PRELID2: variants seen among roughly 807,000 people sequenced by gnomAD.
PRELID2 encodes PRELI domain-containing protein 2.
PRELID2 carries 25 observed loss-of-function variants against 28.4 expected under a neutral mutation model. That is an observed-to-expected ratio of 0.88 (90% CI 0.64 to 1.23). The LOEUF (loss-of-function observed/expected upper bound fraction) is 1.23, where lower values mean the gene tolerates loss of function less well. PRELID2 is among the 50% of genes most tolerant of loss of function. The pLI is 0.00. For synonymous variants in PRELID2, 76 were observed against 71.6 expected (o/e 1.06, Z -0.31); for missense variants, 201 against 214.4 (o/e 0.94, Z 0.39).
intron 5 of PRELID2, among the ~76,000 whole-genome samples, chr5:145,767,274 G>T (rs909985613): frequency 1.3e-5 from 2 of 151,890 alleles, no homozygotes; most frequent in Non-Finnish European, 2.9e-5. Context: ...CCTCAGAGAG[G>T]AATTCAGCCA....
chr5:145,373,096 T>C, the PRELID2 span, among the ~76,000 whole-genome samples: 134 of 64,848 alleles, frequency 2.1e-3, 8 homozygotes, highest in Admixed American at 0.021. Context: ...ATAATATATA[T>C]GATATATATT....
At chr5:145,351,038 A>G in the PRELID2 span, among the ~76,000 whole-genome samples, 1 of 152,228 alleles carries the variant, frequency 6.6e-6, no homozygotes, top group Non-Finnish European at 1.5e-5. Context: ...AACTCTCACA[A>G]CACAGAGAGT....
chr5:145,645,338 C>CT (rs35732947), intron 1 of PRELID2, among the ~76,000 whole-genome samples: 898 of 47,820 alleles, frequency 0.019, 97 homozygotes, highest in African/African-American at 0.053. Context: ...GCAACTCCTG[C>CT]TTTTTTTTTT....
At chr5:145,315,462 T>C in the PRELID2 span, among the ~76,000 whole-genome samples, 1 of 152,138 alleles carries the variant, frequency 6.6e-6, no homozygotes, top group Non-Finnish European at 1.5e-5. Flanking sequence ...TGAAGAATTA[T>C]GAACATTTTA....
the PRELID2 span, among the ~76,000 whole-genome samples, chr5:145,316,962 C>A: frequency 2.6e-5 from 4 of 152,220 alleles, no homozygotes; most frequent in Non-Finnish European, 5.9e-5. Context: ...TCTAAAAGAT[C>A]ATTTAATTCA....
chr5:145,745,569 G>C (rs1048311889), intron 1 of PRELID2, among the ~76,000 whole-genome samples: 2 of 152,152 alleles, frequency 1.3e-5, no homozygotes, highest in African/African-American at 4.8e-5. Flanking sequence ...CATTCCTAAA[G>C]AAAAGAATTG....
intron 1 of PRELID2, among the ~76,000 whole-genome samples, chr5:145,643,484 C>T (rs1204306740): frequency 6.6e-6 from 1 of 152,170 alleles, no homozygotes; most frequent in Non-Finnish European, 1.5e-5. Flanking sequence ...TTCCTCTTTT[C>T]CTATTGGAAT....
the PRELID2 span, among the ~76,000 whole-genome samples, chr5:145,323,825 T>A: frequency 6.6e-6 from 1 of 152,208 alleles, no homozygotes; most frequent in Non-Finnish European, 1.5e-5. Context: ...TAGTATTCCA[T>A]GGTAGATATG....
At chr5:145,728,078 T>G (rs1420725922) in intron 1 of PRELID2, among the ~76,000 whole-genome samples, 1 of 152,208 alleles carries the variant, frequency 6.6e-6, no homozygotes, top group East Asian at 1.9e-4. Context: ...TGTCTGTCCC[T>G]GCAAATCTCT....
chr5:145,311,608 A>T, the PRELID2 span, among the ~76,000 whole-genome samples: 2 of 152,168 alleles, frequency 1.3e-5, no homozygotes, highest in Admixed American at 1.3e-4. Flanking sequence ...AACACATAGT[A>T]TATTTTCTTC....
chr5:145,606,822 G>A (rs1753511196), intron 1 of PRELID2, among the ~76,000 whole-genome samples: 1 of 152,120 alleles, frequency 6.6e-6, no homozygotes, highest in South Asian at 2.1e-4. Context: ...TTTTGGAATA[G>A]TTTTAGTAGG....
intron 1 of PRELID2, among the ~76,000 whole-genome samples, chr5:145,585,309 G>C (rs1753143504): frequency 6.6e-6 from 1 of 152,078 alleles, no homozygotes; most frequent in Non-Finnish European, 1.5e-5. Context: ...AGAAGGGAGA[G>C]CTTCAGGAAG....
chr5:145,384,298 G>A, the PRELID2 span, among the ~76,000 whole-genome samples: 39 of 149,810 alleles, frequency 2.6e-4, no homozygotes, highest in South Asian at 1.9e-3. Context: ...CATAAAAATC[G>A]TTTCACAATA....
At chr5:145,510,912 T>G (rs1752455223) in intron 1 of PRELID2, among the ~76,000 whole-genome samples, 1 of 152,224 alleles carries the variant, frequency 6.6e-6, no homozygotes, top group South Asian at 2.1e-4. Context: ...TGCCCAGTTT[T>G]GGAATTCAGC....
chr5:145,825,344 G>C (rs1224543649), intron 1 of PRELID2, among the ~76,000 whole-genome samples: 1 of 149,364 alleles, frequency 6.7e-6, no homozygotes, highest in Non-Finnish European at 1.5e-5. Flanking sequence ...TAGATACTCT[G>C]CTCCTCAGGA....
intron 1 of PRELID2, among the ~76,000 whole-genome samples, chr5:145,495,054 G>A (rs570829147): frequency 6.6e-6 from 1 of 152,150 alleles, no homozygotes; most frequent in African/African-American, 2.4e-5. Context: ...CACAGAAGTG[G>A]TCTATGCTCA....
At chr5:145,633,265 C>T (rs760359778) in intron 1 of PRELID2, among the ~76,000 whole-genome samples, 6 of 152,238 alleles carry the variant, frequency 3.9e-5, no homozygotes, top group Admixed American at 6.5e-5. Context: ...CCACTAAATC[C>T]ATAATAATTT....
chr5:145,292,680 T>C, the PRELID2 span, among the ~76,000 whole-genome samples: 1 of 152,128 alleles, frequency 6.6e-6, no homozygotes, highest in Non-Finnish European at 1.5e-5. Flanking sequence ...AAACAGTGTT[T>C]CTTAAAAATC....
At chr5:145,267,311 G>A in the PRELID2 span, among the ~76,000 whole-genome samples, 2 of 151,980 alleles carry the variant, frequency 1.3e-5, no homozygotes, top group Non-Finnish European at 2.9e-5. Flanking sequence ...CCAGCCCACT[G>A]ACCCAAATGT....
Sources: allele counts gnomAD v4.1 joint callset (sites outside exome capture counted in the v4.1 genomes callset), GRCh38; gene constraint gnomAD v4.1.1; transcripts MANE v1.5; gene names NCBI Gene and HGNC (gene_info 2026-07-23, HGNC 2026-07-21).